LRFN5: variants seen among roughly 807,000 people sequenced by gnomAD.
LRFN5 encodes leucine-rich repeat and fibronectin type-III domain-containing protein 5.
Under a neutral mutation model 45.6 loss-of-function variants are expected in LRFN5, and 24 were observed. The ratio of observed to expected loss-of-function variants is 0.53; its 90% confidence interval spans 0.38 to 0.74. The LOEUF (loss-of-function observed/expected upper bound fraction) is 0.74, where lower values mean the gene tolerates loss of function less well. Among genes scored for constraint, LRFN5 ranks in the 30% least tolerant of loss-of-function variants. The pLI is 0.00. For synonymous variants in LRFN5, 340 were observed against 313.8 expected (o/e 1.08, Z -0.88); for missense variants, 776 against 861.5 (o/e 0.90, Z 1.24).
intron 2 of LRFN5, among the ~76,000 whole-genome samples, chr14:41,792,424 A>G (rs1886957030): frequency 6.6e-6 from 1 of 151,974 alleles, no homozygotes; most frequent in Admixed American, 6.6e-5. Context: ...TCCCCACCCT[A>G]ATAAGCCTGA....
At chr14:41,880,871 T>C (rs1890355727) in intron 2 of LRFN5, among the ~76,000 whole-genome samples, 2 of 152,334 alleles carry the variant, frequency 1.3e-5, no homozygotes, top group South Asian at 2.1e-4. Flanking sequence ...TTTTTCTCTA[T>C]AAAATGCCCA....
At chr14:41,824,477 A>G (rs182941845) in intron 2 of LRFN5, among the ~76,000 whole-genome samples, 3 of 152,248 alleles carry the variant, frequency 2.0e-5, no homozygotes, top group Non-Finnish European at 4.4e-5. Context: ...TGTAGTAGTG[A>G]TGCACTGGTT....
intron 2 of LRFN5, among the ~76,000 whole-genome samples, chr14:41,844,850 A>G (rs1485376108): frequency 6.6e-6 from 1 of 152,186 alleles, no homozygotes; most frequent in African/African-American, 2.4e-5. Context: ...TATAGCTGTG[A>G]ATTGTTAAAC....
At chr14:41,661,234 CA>C in intron 1 of LRFN5, among the ~76,000 whole-genome samples, 1 of 151,940 alleles carries the variant, frequency 6.6e-6, no homozygotes, top group East Asian at 1.9e-4. Context: ...ATAATCTAAT[CA>C]CTGGTATTGT....
At chr14:41,616,207 T>A (rs1887921061) in intron 1 of LRFN5, among the ~76,000 whole-genome samples, 1 of 152,146 alleles carries the variant, frequency 6.6e-6, no homozygotes, top group African/African-American at 2.4e-5. Flanking sequence ...AATTTTCACC[T>A]TACTCTAAGG....
At chr14:41,704,952 A>C (rs1454238205) in intron 1 of LRFN5, among the ~76,000 whole-genome samples, 1 of 152,174 alleles carries the variant, frequency 6.6e-6, no homozygotes, top group Non-Finnish European at 1.5e-5. Context: ...TAAAAGATAA[A>C]AATGAGATAC....
chr14:41,648,886 G>A (rs1318201934), intron 1 of LRFN5, among the ~76,000 whole-genome samples: 3 of 152,026 alleles, frequency 2.0e-5, no homozygotes, highest in Non-Finnish European at 2.9e-5. Flanking sequence ...AACTTGCCCT[G>A]TAAACTTCTA....
At chr14:41,640,739 C>T (rs1235935852) in intron 1 of LRFN5, among the ~76,000 whole-genome samples, 5 of 152,102 alleles carry the variant, frequency 3.3e-5, no homozygotes, top group Admixed American at 1.3e-4. Flanking sequence ...ATACTTTGTA[C>T]ACACAAAACT....
At chr14:41,874,113 CAG>C (rs1198649213) in intron 2 of LRFN5, among the ~76,000 whole-genome samples, 3 of 152,076 alleles carry the variant, frequency 2.0e-5, no homozygotes, top group Non-Finnish European at 4.4e-5. Flanking sequence ...TTGGAAGAAA[CAG>C]GGGTCATCTA....
intron 2 of LRFN5, among the ~76,000 whole-genome samples, chr14:41,862,998 G>A (rs1450379719): frequency 6.6e-6 from 1 of 151,528 alleles, no homozygotes; most frequent in African/African-American, 2.4e-5. Context: ...CCGAGTAGGT[G>A]GGACTACAGG....
intron 1 of LRFN5, among the ~76,000 whole-genome samples, chr14:41,751,919 G>C (rs866745233): frequency 6.6e-6 from 1 of 151,756 alleles, no homozygotes; most frequent in Admixed American, 6.6e-5. Flanking sequence ...CCCCTCTCCC[G>C]CCAACCCACA....
chr14:41,870,523 T>C (rs1412585867), intron 2 of LRFN5, among the ~76,000 whole-genome samples: 1 of 152,072 alleles, frequency 6.6e-6, no homozygotes, highest in Non-Finnish European at 1.5e-5. Flanking sequence ...GCAGGGGAAC[T>C]CCCCTTTATA....
chr14:41,784,198 G>C (rs1019490683), intron 2 of LRFN5, among the ~76,000 whole-genome samples: 3 of 151,942 alleles, frequency 2.0e-5, no homozygotes, highest in Non-Finnish European at 2.9e-5. Flanking sequence ...TCAGAGTATA[G>C]CAGTGAAGTG....
intron 2 of LRFN5, among the ~76,000 whole-genome samples, chr14:41,831,414 A>T (rs772723559): frequency 1.7e-4 from 26 of 152,326 alleles, no homozygotes; most frequent in South Asian, 1.0e-3. Context: ...CCATAAATAT[A>T]CACTATACAC....
chr14:41,728,614 C>T (rs1884035676), intron 1 of LRFN5, among the ~76,000 whole-genome samples: 1 of 152,114 alleles, frequency 6.6e-6, no homozygotes. Context: ...AGATTAGAAT[C>T]TATTCAATTC....
chr14:41,700,180 G>T (rs957976397), intron 1 of LRFN5: 2 of 152,048 alleles, frequency 1.3e-5, no homozygotes, highest in African/African-American at 4.8e-5. Flanking sequence ...ACCACTGTTG[G>T]TAATAGCACA....
At chr14:41,821,686 A>G (rs2139014039) in intron 2 of LRFN5, among the ~76,000 whole-genome samples, 3 of 151,482 alleles carry the variant, frequency 2.0e-5, no homozygotes, top group Admixed American at 2.0e-4. Flanking sequence ...ATTTTTTTGA[A>G]ACAGTTTCAG....
chr14:41,805,655 G>A (rs1887501207), intron 2 of LRFN5, among the ~76,000 whole-genome samples: 1 of 149,966 alleles, frequency 6.7e-6, no homozygotes, highest in South Asian at 2.1e-4. Context: ...ATATAATGAT[G>A]AGTTCATGTC....
chr14:41,721,859 T>G (rs4584739), intron 1 of LRFN5, among the ~76,000 whole-genome samples: 25,506 of 152,068 alleles, frequency 0.17, 2,318 homozygotes, highest in Non-Finnish European at 0.22. Context: ...GATGTATATT[T>G]TGTACAGTAT....
Sources: allele counts gnomAD v4.1 joint callset (sites outside exome capture counted in the v4.1 genomes callset), GRCh38; gene constraint gnomAD v4.1.1; transcripts MANE v1.5; gene names NCBI Gene and HGNC (gene_info 2026-07-23, HGNC 2026-07-21).